The following HCN1 variants were observed in gnomAD, a reference collection of about 807,000 sequenced individuals.
HCN1 encodes the protein potassium/sodium hyperpolarization-activated cyclic nucleotide-gated channel 1.
HCN1 carries 13 observed loss-of-function variants against 78.9 expected under a neutral mutation model. The observed-to-expected ratio is 0.16, with a 90% confidence interval of 0.11 to 0.26. The LOEUF is 0.26. Ranked by LOEUF, HCN1 falls within the 10% of genes least tolerant of loss-of-function variation. HCN1 has a pLI of 1.00. For missense variants in HCN1, 810 were observed against 1,154.3 expected, an observed-to-expected ratio of 0.70 and a Z score of 4.32; for synonymous variants, 552 against 455.5, an observed-to-expected ratio of 1.21 and a Z score of -2.70.
intron 2 of HCN1, among the ~76,000 whole-genome samples, chr5:45,550,866 T>C (rs1166326746): frequency 6.6e-6 from 1 of 151,996 alleles, no homozygotes; most frequent in Non-Finnish European, 1.5e-5. Context: ...AACTCATTTG[T>C]ATATTAAAGT....
intron 5 of HCN1, among the ~76,000 whole-genome samples, chr5:45,349,780 T>C (rs919133240): frequency 6.6e-6 from 1 of 151,034 alleles, no homozygotes; most frequent in African/African-American, 2.4e-5. Flanking sequence ...CTAGAAGAAA[T>C]GGAAAGATTT....
intron 6 of HCN1, among the ~76,000 whole-genome samples, chr5:45,283,303 T>G (rs1466878210): frequency 6.6e-6 from 1 of 152,152 alleles, no homozygotes; most frequent in African/African-American, 2.4e-5. Context: ...GGGATCTAAT[T>G]AAACTTAGGA....
chr5:45,557,851 C>A (rs1743505758), intron 2 of HCN1: 1 of 151,982 alleles, frequency 6.6e-6, no homozygotes, highest in South Asian at 2.1e-4. Context: ...CATTTCTCTC[C>A]CTCTGATTGG....
rs374525305 is a variant in HCN1 at position 45,555,277 on chromosome 5, G to C, written c.849+89908C>G. On this transcript the variant is annotated intron_variant, in intron 2 of 7. Coordinates refer to ENST00000303230, the MANE Select transcript of HCN1 (RefSeq NM_021072.4). ...ACAATATGAAAAAGAAATAAAAAAA[G>C]TAATCCCATTTACACTTGCTACAAA... Among the ~76,000 whole-genome samples, 23 of 151,724 alleles carry C rather than the reference G, an allele frequency of 1.5e-4. No homozygotes were observed. The South Asian group carries it at 4.4e-3, about 29-fold the overall frequency.
intron 2 of HCN1, among the ~76,000 whole-genome samples, chr5:45,522,560 T>C (rs1331266045): frequency 6.6e-6 from 1 of 151,932 alleles, no homozygotes; most frequent in Non-Finnish European, 1.5e-5. Flanking sequence ...ACCCAAAAGA[T>C]ACTCTGACTT....
chr5:45,267,889 A>G (rs185592410), intron 6 of HCN1, among the ~76,000 whole-genome samples: 6 of 152,348 alleles, frequency 3.9e-5, no homozygotes, highest in Non-Finnish European at 8.8e-5. Context: ...AAAGAAAAAA[A>G]ACAAAAACAA....
intron 2 of HCN1, among the ~76,000 whole-genome samples, chr5:45,577,076 T>C (rs945065240): frequency 6.6e-6 from 1 of 152,046 alleles, no homozygotes; most frequent in Non-Finnish European, 1.5e-5. Context: ...AGGGTTGGAG[T>C]TAGCTATTTG....
intron 6 of HCN1, among the ~76,000 whole-genome samples, chr5:45,301,399 A>T (rs1407334990): frequency 1.3e-5 from 2 of 151,396 alleles, no homozygotes; most frequent in Non-Finnish European, 2.9e-5. Context: ...AATGTAGTAA[A>T]ACTAAATAAA....
intron 4 of HCN1, among the ~76,000 whole-genome samples, chr5:45,379,985 A>G (rs1747770532): frequency 6.6e-6 from 1 of 152,082 alleles, no homozygotes; most frequent in South Asian, 2.1e-4. Flanking sequence ...TATTCAATAT[A>G]TATTAAGTAA....
intron 1 of HCN1, among the ~76,000 whole-genome samples, chr5:45,683,052 T>C (rs1186242572): frequency 1.3e-5 from 2 of 152,196 alleles, no homozygotes; most frequent in East Asian, 3.9e-4. Flanking sequence ...TCCCCCTCCA[T>C]AGCTTTATTA....
chr5:45,461,141 G>T (rs916427805), intron 3 of HCN1, among the ~76,000 whole-genome samples: 2 of 151,678 alleles, frequency 1.3e-5, no homozygotes, highest in African/African-American at 4.8e-5. Context: ...TATATAGAGA[G>T]ATTTATAGAT....
intron 5 of HCN1, among the ~76,000 whole-genome samples, chr5:45,346,659 C>A (rs1746720772): frequency 6.6e-6 from 1 of 152,174 alleles, no homozygotes; most frequent in African/African-American, 2.4e-5. Context: ...TCACTCCCAC[C>A]CTAATACTGC....
At chr5:45,521,151 T>C (rs1191521306) in intron 2 of HCN1, among the ~76,000 whole-genome samples, 1 of 151,728 alleles carries the variant, frequency 6.6e-6, no homozygotes, top group African/African-American at 2.4e-5. Flanking sequence ...CCAAAGAAGA[T>C]AAATATATAG....
At chr5:45,333,636 A>G (rs1431836133) in intron 5 of HCN1, among the ~76,000 whole-genome samples, 2 of 151,692 alleles carry the variant, frequency 1.3e-5, no homozygotes, top group East Asian at 3.9e-4. Flanking sequence ...ATTTAAGCCT[A>G]TAATACATTT....
chr5:45,365,077 ATTAT>A (rs1477058532), intron 4 of HCN1, among the ~76,000 whole-genome samples: 1 of 152,066 alleles, frequency 6.6e-6, no homozygotes, highest in African/African-American at 2.4e-5. Context: ...TGTCAAACAT[ATTAT>A]TTAGTCTTTG....
At chr5:45,365,950 A>G (rs1388124060) in intron 4 of HCN1, among the ~76,000 whole-genome samples, 1 of 151,882 alleles carries the variant, frequency 6.6e-6, no homozygotes, top group East Asian at 1.9e-4. Context: ...CTCCCATTTA[A>G]TTTCTTAAAA....
intron 2 of HCN1, among the ~76,000 whole-genome samples, chr5:45,617,988 A>AAAAAAGACATTC (rs1554035954): frequency 1.3e-4 from 20 of 151,720 alleles, no homozygotes; most frequent in Admixed American, 3.9e-4. Flanking sequence ...TGGTGAAATA[A>AAAAAAGACATTC]CAAAGCGTAA....
At chr5:45,407,725 G>A (rs1739952531) in intron 3 of HCN1, among the ~76,000 whole-genome samples, 1 of 151,852 alleles carries the variant, frequency 6.6e-6, no homozygotes, top group Non-Finnish European at 1.5e-5. Context: ...TTTACCACTG[G>A]TCTCGAACTC....
intron 6 of HCN1, among the ~76,000 whole-genome samples, chr5:45,278,756 GT>G (rs1169985409): frequency 6.6e-6 from 1 of 151,988 alleles, no homozygotes; most frequent in African/African-American, 2.4e-5. Flanking sequence ...TTTATAGAAT[GT>G]TTTTTCCTTA....
Sources: gnomAD v4.1 joint callset for allele counts (sites outside exome capture counted in the v4.1 genomes callset) on GRCh38, gnomAD v4.1.1 for gene constraint, MANE v1.5 for transcripts, NCBI Gene and HGNC (gene_info 2026-07-23, HGNC 2026-07-21) for gene names.